BHLHE22: variants seen among roughly 807,000 people sequenced by gnomAD.
BHLHE22 encodes the protein class E basic helix-loop-helix protein 22.
In BHLHE22, 8 loss-of-function variants were observed where a neutral mutation model predicts 17.6. The observed-to-expected ratio is 0.45, with a 90% confidence interval of 0.27 to 0.82. The LOEUF (loss-of-function observed/expected upper bound fraction) is 0.82, where lower values mean the gene tolerates loss of function less well. Ranked by LOEUF, BHLHE22 falls within the 40% of genes least tolerant of loss-of-function variation. BHLHE22 has a pLI of 0.16. For synonymous variants in BHLHE22, 353 were observed against 282.7 expected (o/e 1.25, Z -2.49); for missense variants, 570 against 581.5 (o/e 0.98, Z 0.20).
At position 64,581,417 on chromosome 8, in the gene BHLHE22, C is replaced by CAGCGGTAGCAGT. The variant is rs1804896434; in HGVS notation, c.628_639dup (p.Ser210_Ser213dup). Reference sequence around the variant, plus strand: ...GCGGCGGCGGCGGCGGGGGTAGCAGCAGCGGTAGCAGTGGCGGCGGTGGCG... The same window carrying CAGCGGTAGCAGT: ...GCGGCGGCGGCGGCGGGGGTAGCAGCAGCGGTAGCAGTAGCGGTAGCAGTGGCGGCGGTGGCG... On this transcript the variant is annotated inframe_insertion, in exon 1 of 1. Coordinates refer to ENST00000321870, the MANE Select transcript of BHLHE22 (RefSeq NM_152414.5). This position sits in a 1 kb window ranked among gnomAD's most constrained non-coding sequence, Gnocchi z 6.4. 2 of 1,533,828 alleles carry CAGCGGTAGCAGT rather than the reference C, an allele frequency of 1.3e-6. No individual in the cohort carries two copies.
rs79001543 is a variant in BHLHE22, at chr8:64,581,876, G to A, written c.1086G>A (p.Lys362=). Residue 362 remains lysine (K), a synonymous_variant, in exon 1 of 1, where the codon AAG becomes AAA. Transcript: ENST00000321870. This position sits in a 1 kb window ranked among gnomAD's most constrained non-coding sequence, Gnocchi z 6.4. ...GLPPAASCPE[K]CALFNSVSSS... ...CCCCGGCTGCCTCCTGCCCGGAGAA[G>A]TGCGCCCTGTTTAACAGCGTCTCCT... 2.0e-3 allele frequency: 3,172 copies of A among 1,609,686 alleles called. 61 individuals carry two copies. In the African/African-American group the frequency reaches 0.036, roughly 18 times the overall value.
chr8:64,581,702 G>A lies in BHLHE22; in HGVS notation c.912G>A (p.Arg304=). ...LMQAQALEEM[R]RLVAYLNQGQ... is the part of the protein sequence containing the mutation. ...AGGCGCAGGCCCTGGAGGAGATGCG[G>A]CGCCTAGTCGCCTACCTCAACCAGG... Residue 304 remains arginine (R), a synonymous_variant, in exon 1 of 1, where the codon CGG becomes CGA. Coordinates refer to ENST00000321870, the MANE Select transcript of BHLHE22 (RefSeq NM_152414.5). The surrounding 1 kb of genome is among the most constrained non-coding windows in gnomAD (Gnocchi z 6.4). 3.7e-6 allele frequency: 6 copies of A among 1,608,504 alleles called. No homozygotes were observed. Among genetic ancestry groups the A allele is most frequent in the Non-Finnish European group, 5.1e-6 (6 of 1,178,276 alleles).
Position 64,582,022 on chromosome 8 carries a change from G to C in BHLHE22, c.*86G>C. On this transcript the variant is annotated 3_prime_UTR_variant, in exon 1 of 1. Coordinates refer to ENST00000321870, the MANE Select transcript of BHLHE22 (RefSeq NM_152414.5). ...CCACCCCCTTTATTTTGGTCCTCTC[G>C]TAGTTGTGAAACACTTGCAGAGCAA... The C allele has an allele frequency of 1.4e-6, 2 of 1,472,456 alleles. No homozygotes were observed. The highest frequency in any genetic ancestry group is 2.5e-5 in the East Asian group (1 of 40,284). 91.2% of individuals were successfully genotyped at this position (1,472,456 alleles called of 1,614,324 possible). A position where few individuals can be genotyped will look rare whatever the true frequency, so the allele number is the denominator to read the frequency against.
In BHLHE22 at chr8:64,581,207, C is replaced by A; in HGVS notation, c.417C>A (p.Ala139=). Reference sequence around the variant, plus strand: ...AAAGCGCGAGCCGGGGCTCGGTGGCCGAGAGCAGCGGCGGCGAGCAGAGCC... The same window carrying A: ...AAAGCGCGAGCCGGGGCTCGGTGGCAGAGAGCAGCGGCGGCGAGCAGAGCC... The part of the protein sequence containing the change: ...YGESASRGSV[A]ESSGGEQSPD... The change falls in exon 1 of 1, where the codon GCC becomes GCA. Residue 139 remains alanine, a synonymous_variant. Transcript: ENST00000321870. This position sits in a 1 kb window ranked among gnomAD's most constrained non-coding sequence, Gnocchi z 6.4. The A allele has an allele frequency of 6.9e-7, 1 of 1,448,220 alleles. No homozygotes were observed. The allele number at this position is 1,448,220 out of a possible 1,614,324, so 89.7% of individuals were successfully genotyped here.
rs575177094 is a variant in BHLHE22, at chr8:64,580,609, G to C, written c.-182G>C. The stretch of plus-strand genomic sequence containing the variant: ...AGAAGAAGAAGAGGAGGCGGCGAGC[G>C]CGGGGGAAGGCGAAAAAGAAAAAGA... On this transcript the variant is annotated 5_prime_UTR_variant, in exon 1 of 1. Coordinates refer to ENST00000321870, the MANE Select transcript of BHLHE22 (RefSeq NM_152414.5). 109 of 178,672 alleles carry C rather than the reference G, an allele frequency of 6.1e-4. 1 individual carries two copies. Among genetic ancestry groups the C allele is most frequent in the Admixed American group, 1.4e-3 (22 of 15,514 alleles). The allele number at this position is 178,672 out of a possible 1,614,324, so 11.1% of individuals were successfully genotyped here.
chr8:64,581,029 C>T lies in BHLHE22; in HGVS notation c.239C>T (p.Pro80Leu). 7.6e-7 allele frequency: 1 copy of T among 1,321,862 alleles called. No homozygotes were observed. Among genetic ancestry groups the T allele is most frequent in the Non-Finnish European group, 9.6e-7 (1 of 1,045,384 alleles). 81.9% of individuals were successfully genotyped at this position (1,321,862 alleles called of 1,614,324 possible). Reference protein sequence around the residue: ...PEGAGLLLPPPGGGGGGSAGS... With the variant: ...PEGAGLLLPPLGGGGGGSAGS... Reference sequence around the variant, plus strand: ...GGGGCAGGGCTGCTGTTGCCGCCGCCTGGAGGAGGCGGCGGCGGCAGCGCG... The same window carrying T: ...GGGGCAGGGCTGCTGTTGCCGCCGCTTGGAGGAGGCGGCGGCGGCAGCGCG... The change falls in exon 1 of 1, where the codon CCT (proline) becomes CTT (leucine). Residue 80 changes from proline (P) to leucine (L), a missense_variant. By Grantham distance (98) the Pro-to-Leu change is moderately conservative. Transcript: ENST00000321870. This position sits in a 1 kb window ranked among gnomAD's most constrained non-coding sequence, Gnocchi z 6.4.
In BHLHE22 at chr8:64,581,562, C is replaced by T. The variant is rs1190416653; in HGVS notation, c.772C>T (p.Leu258=). The stretch of plus-strand genomic sequence containing the variant: ...CCGAGAGCGCCGGCGGATGCACGAC[C>T]TGAACGACGCGCTGGACGAGCTGCG... ...NARERRRMHD[L]NDALDELRAV... is the part of the protein sequence containing the mutation. The change falls in exon 1 of 1, where the codon CTG becomes TTG. Residue 258 remains leucine (L), a synonymous_variant. Coordinates refer to ENST00000321870, the MANE Select transcript of BHLHE22 (RefSeq NM_152414.5). This position sits in a 1 kb window ranked among gnomAD's most constrained non-coding sequence, Gnocchi z 6.4. 4 of 1,611,662 alleles carry T rather than the reference C, an allele frequency of 2.5e-6. No homozygotes were observed. Among genetic ancestry groups the T allele is most frequent in the African/African-American group, 2.7e-5 (2 of 75,064 alleles).
In BHLHE22 at chr8:64,582,039, G is replaced by T. The variant is rs1585787598; in HGVS notation, c.*103G>T. The T allele has an allele frequency of 1.4e-6, 2 of 1,380,096 alleles. No individual in the cohort carries two copies. Among genetic ancestry groups the T allele is most frequent in the Non-Finnish European group, 2.0e-6 (2 of 1,014,366 alleles). 85.5% of individuals were successfully genotyped at this position (1,380,096 alleles called of 1,614,324 possible). On this transcript the variant is annotated 3_prime_UTR_variant, in exon 1 of 1. Coordinates refer to ENST00000321870, the MANE Select transcript of BHLHE22 (RefSeq NM_152414.5). Reference sequence around the variant, plus strand: ...GTCCTCTCGTAGTTGTGAAACACTTGCAGAGCAAACAAAGCAGAGGCAAGA... The same window carrying T: ...GTCCTCTCGTAGTTGTGAAACACTTTCAGAGCAAACAAAGCAGAGGCAAGA...
rs1051759088 is a variant in BHLHE22, at chr8:64,580,753, C to T, written c.-38C>T. 2.3e-5 allele frequency: 25 copies of T among 1,082,862 alleles called. No individual in the cohort carries two copies. The highest frequency in any genetic ancestry group is 2.7e-5 in the Non-Finnish European group (24 of 892,964). The allele number at this position is 1,082,862 out of a possible 1,614,324, so 67.1% of individuals were successfully genotyped here. A position where few individuals can be genotyped will look rare whatever the true frequency, so the allele number is the denominator to read the frequency against. ...GGGGCCGAGGCGGCGGCGGCGGCAGCGGGCGCGGCGGCCCGGGCTGCGCGC... is the reference window on the plus strand; with the variant it reads ...GGGGCCGAGGCGGCGGCGGCGGCAGTGGGCGCGGCGGCCCGGGCTGCGCGC... On this transcript the variant is annotated 5_prime_UTR_variant, in exon 1 of 1. Transcript: ENST00000321870.
At position 64,581,403 on chromosome 8, in the gene BHLHE22, G is replaced by GGCGGGGGTAGCA; in HGVS notation, c.616_627dup (p.Gly206_Ser209dup). The GGCGGGGGTAGCA allele has an allele frequency of 1.3e-6, 2 of 1,527,490 alleles. No individual in the cohort carries two copies. The highest frequency in any genetic ancestry group is 1.8e-6 in the Non-Finnish European group (2 of 1,142,738). 94.6% of individuals were successfully genotyped at this position (1,527,490 alleles called of 1,614,324 possible). ...CCCGGGGGGCCTGGGCGGCGGCGGCGGCGGGGGTAGCAGCAGCGGTAGCAG... is the reference window on the plus strand; with the variant it reads ...CCCGGGGGGCCTGGGCGGCGGCGGCGGCGGGGGTAGCAGCGGGGGTAGCAGCAGCGGTAGCAG... On this transcript the variant is annotated inframe_insertion, in exon 1 of 1. Transcript: ENST00000321870. The surrounding 1 kb of genome is among the most constrained non-coding windows in gnomAD (Gnocchi z 6.4).
In BHLHE22 at chr8:64,581,211, A is replaced by C; in HGVS notation, c.421A>C (p.Ser141Arg). ...ESASRGSVAE[S>R]SGGEQSPDDD... ...CGCGAGCCGGGGCTCGGTGGCCGAGAGCAGCGGCGGCGAGCAGAGCCCCGA... is the reference window on the plus strand; with the variant it reads ...CGCGAGCCGGGGCTCGGTGGCCGAGCGCAGCGGCGGCGAGCAGAGCCCCGA... Residue 141 changes from serine to arginine, a missense_variant, in exon 1 of 1, where the codon AGC becomes CGC. Transcript: ENST00000321870. This position sits in a 1 kb window ranked among gnomAD's most constrained non-coding sequence, Gnocchi z 6.4. 6.9e-7 allele frequency: 1 copy of C among 1,451,622 alleles called. No individual in the cohort carries two copies. Among genetic ancestry groups the C allele is most frequent in the Non-Finnish European group, 9.0e-7 (1 of 1,114,162 alleles). 89.9% of individuals were successfully genotyped at this position (1,451,622 alleles called of 1,614,324 possible). A position where few individuals can be genotyped will look rare whatever the true frequency, so the allele number is the denominator to read the frequency against.
At position 64,582,067 on chromosome 8, in the gene BHLHE22, TGAG is replaced by T. The variant is rs1359998122; in HGVS notation, c.*135_*137del. On this transcript the variant is annotated 3_prime_UTR_variant, in exon 1 of 1. Transcript: ENST00000321870. Reference sequence around the variant, plus strand: ...GAGCAAACAAAGCAGAGGCAAGAACTGAGGAGAAGTATCAGAGACAAACGGGAC... The same window carrying T: ...GAGCAAACAAAGCAGAGGCAAGAACTGAGAAGTATCAGAGACAAACGGGAC... 3.6e-6 allele frequency: 4 copies of T among 1,121,932 alleles called. No homozygotes were observed. Among genetic ancestry groups the T allele is most frequent in the Admixed American group, 2.9e-5 (1 of 34,978 alleles). The allele number at this position is 1,121,932 out of a possible 1,614,324, so 69.5% of individuals were successfully genotyped here.
At position 64,581,381 on chromosome 8, in the gene BHLHE22, G is replaced by T. The variant is rs781622176; in HGVS notation, c.591G>T (p.Pro197=). The T allele has an allele frequency of 2.0e-6, 3 of 1,502,888 alleles. No homozygotes were observed. Among genetic ancestry groups the T allele is most frequent in the South Asian group, 2.5e-5 (2 of 78,526 alleles). The allele number at this position is 1,502,888 out of a possible 1,614,324, so 93.1% of individuals were successfully genotyped here. A position where few individuals can be genotyped will look rare whatever the true frequency, so the allele number is the denominator to read the frequency against. Residue 197 remains proline (P), a synonymous_variant, in exon 1 of 1, where the codon CCG becomes CCT. Coordinates refer to ENST00000321870, the MANE Select transcript of BHLHE22 (RefSeq NM_152414.5). The surrounding 1 kb of genome is among the most constrained non-coding windows in gnomAD (Gnocchi z 6.4). ...AHLHGGASVP[P]GGLGGGGGGG... is the part of the protein sequence containing the mutation. Reference sequence around the variant, plus strand: ...TCCACGGCGGCGCCAGCGTCCCCCCGGGGGGCCTGGGCGGCGGCGGCGGCG... The same window carrying T: ...TCCACGGCGGCGCCAGCGTCCCCCCTGGGGGCCTGGGCGGCGGCGGCGGCG...
rs1036138711 is a variant in BHLHE22 at position 64,582,260 on chromosome 8, A to G, written c.*324A>G. Reference sequence around the variant, plus strand: ...GTGGAATCTTCCTTAAAGGTGAAACATAAGTTGAGAAGTAGTGCTTGGTTA... The same window carrying G: ...GTGGAATCTTCCTTAAAGGTGAAACGTAAGTTGAGAAGTAGTGCTTGGTTA... On this transcript the variant is annotated 3_prime_UTR_variant, in exon 1 of 1. Coordinates refer to ENST00000321870, the MANE Select transcript of BHLHE22 (RefSeq NM_152414.5). 2.0e-5 allele frequency: 8 copies of G among 402,624 alleles called. No homozygotes were observed. The highest frequency in any genetic ancestry group is 4.4e-5 in the African/African-American group (2 of 45,880). The allele number at this position is 402,624 out of a possible 1,614,324, so 24.9% of individuals were successfully genotyped here. A position where few individuals can be genotyped will look rare whatever the true frequency, so the allele number is the denominator to read the frequency against.
In BHLHE22 at chr8:64,581,744, T is replaced by C; in HGVS notation, c.954T>C (p.Ala318=). The C allele has an allele frequency of 1.2e-6, 2 of 1,600,876 alleles. No individual in the cohort carries two copies. The highest frequency in any genetic ancestry group is 8.5e-7 in the Non-Finnish European group (1 of 1,175,506). ...TCAACCAGGGCCAGGCCATCTCGGCTGCCTCCCTGCCCAGCTCGGCGGCTG... is the reference window on the plus strand; with the variant it reads ...TCAACCAGGGCCAGGCCATCTCGGCCGCCTCCCTGCCCAGCTCGGCGGCTG... ...AYLNQGQAIS[A]ASLPSSAAAA... is the part of the protein sequence containing the mutation. The change falls in exon 1 of 1, where the codon GCT becomes GCC. Residue 318 remains alanine (A), a synonymous_variant. Transcript: ENST00000321870. This position sits in a 1 kb window ranked among gnomAD's most constrained non-coding sequence, Gnocchi z 6.4.
rs1804923504 is a variant in BHLHE22, at chr8:64,582,707, C to G, written c.*771C>G. 1 of 166,988 alleles carries G rather than the reference C, an allele frequency of 6.0e-6. No homozygotes were observed. Among genetic ancestry groups the G allele is most frequent in the Admixed American group, 6.5e-5 (1 of 15,276 alleles). The allele number at this position is 166,988 out of a possible 1,614,324, so 10.3% of individuals were successfully genotyped here. ...ACTCTGCAATGATGTATTAACAATTCATGGTATTTATTTGTTATTCTTCAA... is the reference window on the plus strand; with the variant it reads ...ACTCTGCAATGATGTATTAACAATTGATGGTATTTATTTGTTATTCTTCAA... On this transcript the variant is annotated 3_prime_UTR_variant, in exon 1 of 1. Transcript: ENST00000321870.
rs757837271 is a variant in BHLHE22 at position 64,581,636 on chromosome 8, G to A, written c.846G>A (p.Lys282=). 6.8e-6 allele frequency: 11 copies of A among 1,613,208 alleles called. No homozygotes were observed. Among genetic ancestry groups the A allele is most frequent in the African/African-American group, 4.0e-5 (3 of 74,936 alleles). The change falls in exon 1 of 1, where the codon AAG becomes AAA. Residue 282 remains lysine (K), a synonymous_variant. Coordinates refer to ENST00000321870, the MANE Select transcript of BHLHE22 (RefSeq NM_152414.5). The surrounding 1 kb of genome is among the most constrained non-coding windows in gnomAD (Gnocchi z 6.4). ...GCCCCTCGGTGCGAAAGCTCTCCAA[G>A]ATCGCCACGCTGCTGCTCGCCAAGA... ...AHSPSVRKLS[K]IATLLLAKNY... is the part of the protein sequence containing the mutation.
Position 64,580,934 on chromosome 8 carries a change from G to A in BHLHE22, c.144G>A (p.Pro48=), listed in dbSNP as rs1229730625. The A allele has an allele frequency of 6.1e-6, 9 of 1,477,208 alleles. No homozygotes were observed. The highest frequency in any genetic ancestry group is 2.7e-5 in the South Asian group (2 of 73,494). The allele number at this position is 1,477,208 out of a possible 1,614,324, so 91.5% of individuals were successfully genotyped here. A position where few individuals can be genotyped will look rare whatever the true frequency, so the allele number is the denominator to read the frequency against. Residue 48 remains proline (P), a synonymous_variant, in exon 1 of 1, where the codon CCG becomes CCA. Transcript: ENST00000321870. ...TPPGMDLSLA[P]PPRERPASSS... The stretch of plus-strand genomic sequence containing the variant: ...CGGGCATGGACCTGTCCCTGGCGCC[G>A]CCGCCTCGGGAACGCCCGGCGTCCT...
rs750447658 is a variant in BHLHE22 at position 64,580,812 on chromosome 8, G to T, written c.22G>T (p.Gly8Cys). ...GACCATGGAGCGCGGGATGCACCTC[G>T]GTGCAGCGGCCGCCGGCGAGGACGA... MERGMHLGAAAAGEDDLF... is the reference protein window; with the variant it reads MERGMHLCAAAAGEDDLF... Residue 8 changes from glycine (G) to cysteine (C), a missense_variant, in exon 1 of 1, where the codon GGT becomes TGT. Gly to Cys is a radical substitution (Grantham distance 159). This residue lies in a region of BHLHE22 where 427 missense variants were observed against 376.2 expected (regional missense o/e 1.14). Coordinates refer to ENST00000321870, the MANE Select transcript of BHLHE22 (RefSeq NM_152414.5). The T allele has an allele frequency of 5.6e-6, 8 of 1,424,080 alleles. No individual in the cohort carries two copies. Among genetic ancestry groups the T allele is most frequent in the Admixed American group, 2.6e-5 (1 of 38,492 alleles). 88.2% of individuals were successfully genotyped at this position (1,424,080 alleles called of 1,614,324 possible).
Sources: gnomAD v4.1 joint callset for allele counts on GRCh38, gnomAD v4.1.1 for gene constraint, gnomAD v4.1.1 regional missense constraint, Gnocchi (gnomAD v3.1) non-coding constraint, MANE v1.5 for transcripts, NCBI Gene and HGNC (gene_info 2026-07-23, HGNC 2026-07-21) for gene names.